FAT3: variants seen among roughly 807,000 people sequenced by gnomAD.
FAT3 encodes protocadherin Fat 3.
In FAT3, 95 loss-of-function variants were observed where a neutral mutation model predicts 310.2. The ratio of observed to expected loss-of-function variants is 0.31; its 90% CI spans 0.26 to 0.36. The LOEUF (loss-of-function observed/expected upper bound fraction) is 0.36, where lower values mean the gene tolerates loss of function less well. Among genes scored for constraint, FAT3 ranks in the 10% least tolerant of loss-of-function variants. FAT3 has a pLI of 1.00. For synonymous variants in FAT3, 2,314 were observed against 2,192.9 expected, an observed-to-expected ratio of 1.06 and a Z score of -1.54; for missense variants, 5,408 against 5,715.6, an observed-to-expected ratio of 0.95 and a Z score of 1.74.
intron 1 of FAT3, among the ~76,000 whole-genome samples, chr11:92,330,786 A>G (rs1947897893): frequency 6.6e-6 from 1 of 152,216 alleles, no homozygotes; most frequent in Non-Finnish European, 1.5e-5. Context: ...AAAATGTGTA[A>G]TTGTTTTATT....
chr11:92,698,478 A>C (rs887947610), intron 4 of FAT3, among the ~76,000 whole-genome samples: 9 of 152,276 alleles, frequency 5.9e-5, no homozygotes, highest in African/African-American at 2.2e-4. Context: ...CTACTATGAA[A>C]TTTGGCAAAC....
intron 24 of FAT3, among the ~76,000 whole-genome samples, chr11:92,886,255 T>C (rs1188224670): frequency 6.6e-6 from 1 of 152,202 alleles, no homozygotes. Context: ...CTAATTCATT[T>C]TGCACTTGGC....
At chr11:92,832,387 C>T (rs375098659) in intron 14 of FAT3, among the ~76,000 whole-genome samples, 16 of 152,036 alleles carry the variant, frequency 1.1e-4, no homozygotes, top group African/African-American at 3.4e-4. Flanking sequence ...CTGCTTCTCC[C>T]GAAAACACTC....
In FAT3 at chr11:92,799,444, C is replaced by A. The variant is rs949103478; in HGVS notation, c.6431C>A (p.Ala2144Glu). 1.3e-5 allele frequency: 21 copies of A among 1,613,494 alleles called. No individual in the cohort carries two copies. The highest frequency in any genetic ancestry group is 1.8e-5 in the Non-Finnish European group (21 of 1,179,778). The change falls in exon 10 of 28, where the codon GCA becomes GAA. Residue 2144 changes from alanine (A) to glutamate (E), a missense_variant. Coordinates refer to ENST00000525166, the MANE Select transcript of FAT3 (RefSeq NM_001367949.2). The part of the protein sequence containing the change: ...PNSGNVILKE[A>E]FNSDLSNIEY... ...TCAGGGAATGTTATTTTAAAGGAAG[C>A]ATTCAACTCTGACTTGTCCAACATT...
Position 92,844,453 on chromosome 11 carries a change from A to G in FAT3, c.11086A>G (p.Thr3696Ala), listed in dbSNP as rs945739193. The change falls in exon 19 of 28, where the codon ACC (threonine) becomes GCC (alanine). Residue 3696 changes from threonine (T) to alanine (A), a missense_variant. This residue lies in a region of FAT3 where 4,588 missense variants were observed against 4,809.8 expected (regional missense o/e 0.95). Coordinates refer to ENST00000525166, the MANE Select transcript of FAT3 (RefSeq NM_001367949.2). ...RIISIQPVAG[T>A]NQLDMLFAVE... The stretch of plus-strand genomic sequence containing the variant: ...CATCAGCATCCAGCCCGTGGCAGGC[A>G]CCAACCAACTGGACATGCTGTTTGC... 3.7e-6 allele frequency: 6 copies of G among 1,614,014 alleles called. No individual in the cohort carries two copies. The highest frequency in any genetic ancestry group is 5.1e-6 in the Non-Finnish European group (6 of 1,179,896).
In FAT3 at chr11:92,774,119, A is replaced by G. The variant is rs544399441; in HGVS notation, c.4274A>G (p.Gln1425Arg). Residue 1425 changes from glutamine to arginine, a missense_variant, in exon 7 of 28, where the codon CAG becomes CGG. Gln to Arg is a conservative substitution (Grantham distance 43). This residue lies in a region of FAT3 where 4,588 missense variants were observed against 4,809.8 expected (regional missense o/e 0.95). Transcript: ENST00000525166. Reference sequence around the variant, plus strand: ...ATCGCAAAACCTTTGGATGCAGAGCAGAGGTCCATCTATAATATGAGTGTG... The same window carrying G: ...ATCGCAAAACCTTTGGATGCAGAGCGGAGGTCCATCTATAATATGAGTGTG... ...IVIAKPLDAE[Q>R]RSIYNMSVEV... 6.2e-7 allele frequency: 1 copy of G among 1,613,792 alleles called. No homozygotes were observed. Among genetic ancestry groups the G allele is most frequent in the African/African-American group, 1.3e-5 (1 of 75,054 alleles).
intron 2 of FAT3, among the ~76,000 whole-genome samples, chr11:92,447,828 G>A (rs1392117101): frequency 6.6e-6 from 1 of 151,930 alleles, no homozygotes; most frequent in African/African-American, 2.4e-5. Flanking sequence ...GTGAGCAGTA[G>A]GAGGGAAAGT....
At chr11:92,867,893 A>C (rs1805218628) in intron 22 of FAT3, among the ~76,000 whole-genome samples, 1 of 128,708 alleles carries the variant, frequency 7.8e-6, no homozygotes, top group African/African-American at 3.1e-5. Context: ...TACATCATGA[A>C]AGAGGAGAGT....
chr11:92,860,469 A>T (rs1490126352), intron 21 of FAT3, among the ~76,000 whole-genome samples: 4 of 152,188 alleles, frequency 2.6e-5, no homozygotes, highest in African/African-American at 9.6e-5. Context: ...TATGGAGGAG[A>T]GAAGGCAGGA....
At chr11:92,600,486 AG>A (rs141174227) in intron 3 of FAT3, among the ~76,000 whole-genome samples, 1,971 of 152,330 alleles carry the variant, frequency 0.013, 44 homozygotes, top group African/African-American at 0.044. Context: ...GATTAAGTGA[AG>A]TCATTAGAGA....
intron 18 of FAT3, among the ~76,000 whole-genome samples, chr11:92,842,738 G>T (rs1948583696): frequency 6.6e-6 from 1 of 152,276 alleles, no homozygotes; most frequent in African/African-American, 2.4e-5. Flanking sequence ...AAGTAGCCTG[G>T]TGTGGTGGTG....
chr11:92,883,134 G>A lies in FAT3; in HGVS notation c.12678G>A (p.Gly4226=), dbSNP rs768588223. 6 of 1,613,572 alleles carry A rather than the reference G, an allele frequency of 3.7e-6. No homozygotes were observed. In the African/African-American group the frequency reaches 5.3e-5, roughly 14 times the overall value. ...GDGRNVYQEV[G]PPQVPVRPMA... is the part of the protein sequence containing the mutation. ...GCCGCAACGTCTACCAGGAGGTGGG[G>A]CCCCCGCAGGTCCCCGTGCGCCCCA... The change falls in exon 24 of 28, where the codon GGG becomes GGA. Residue 4226 remains glycine, a synonymous_variant. Coordinates refer to ENST00000525166, the MANE Select transcript of FAT3 (RefSeq NM_001367949.2). The surrounding 1 kb of genome is among the most constrained non-coding windows in gnomAD (Gnocchi z 4.2).
At chr11:92,455,194 T>A (rs1003848356) in intron 2 of FAT3, among the ~76,000 whole-genome samples, 5 of 152,192 alleles carry the variant, frequency 3.3e-5, no homozygotes, top group Non-Finnish European at 5.9e-5. Flanking sequence ...TTTCCTCAAT[T>A]CTATGATTGT....
chr11:92,852,729 AT>A (rs992242791), intron 19 of FAT3, among the ~76,000 whole-genome samples: 1 of 152,212 alleles, frequency 6.6e-6, no homozygotes, highest in Admixed American at 6.5e-5. Flanking sequence ...ATATTTGAGT[AT>A]TTTTTTACAC....
chr11:92,848,706 A>G lies in FAT3; in HGVS notation c.11365+3974A>G, dbSNP rs375366028. 7.9e-5 allele frequency among the ~76,000 whole-genome samples: 12 copies of G among 152,380 alleles called. No individual in the cohort carries two copies. In the East Asian group the frequency reaches 2.1e-3, roughly 27 times the overall value. On this transcript the variant is annotated intron_variant, in intron 19 of 27. Transcript: ENST00000525166. ...ATATAGAATGGAACCTAGTGCTCCA[A>G]ATGAAATGGATGGAGTGTTTGCCAT... is the stretch of plus-strand genomic sequence containing the variant.
At chr11:92,271,602 T>C (rs1946123590) in intron 1 of FAT3, among the ~76,000 whole-genome samples, 1 of 152,164 alleles carries the variant, frequency 6.6e-6, no homozygotes, top group African/African-American at 2.4e-5. Context: ...CTGTTATCCC[T>C]CCAGTGCCCA....
chr11:92,785,577 A>T (rs536469470), intron 7 of FAT3, among the ~76,000 whole-genome samples: 12 of 152,272 alleles, frequency 7.9e-5, no homozygotes, highest in African/African-American at 2.9e-4. Flanking sequence ...ATAACCAAAA[A>T]AAACAGTGAA....
intron 15 of FAT3, among the ~76,000 whole-genome samples, chr11:92,835,484 G>A (rs1409382176): frequency 6.6e-6 from 1 of 151,996 alleles, no homozygotes; most frequent in Non-Finnish European, 1.5e-5. Context: ...GATGAATATA[G>A]TTAATAGTGG....
intron 3 of FAT3, among the ~76,000 whole-genome samples, chr11:92,621,262 G>T (rs1941070438): frequency 6.6e-6 from 1 of 152,132 alleles, no homozygotes; most frequent in Non-Finnish European, 1.5e-5. Context: ...GTTGATCAAT[G>T]AATCAAGAGT....
Sources: gnomAD v4.1 joint callset for allele counts (sites outside exome capture counted in the v4.1 genomes callset) on GRCh38, gnomAD v4.1.1 for gene constraint, gnomAD v4.1.1 regional missense constraint, Gnocchi (gnomAD v3.1) non-coding constraint, MANE v1.5 for transcripts, NCBI Gene and HGNC (gene_info 2026-07-23, HGNC 2026-07-21) for gene names.